Variants in ASIC2 observed in about 807,000 individuals in gnomAD.
ASIC2 encodes acid sensing ion channel subunit 2.
A neutral mutation model predicts 57.3 loss-of-function variants in ASIC2; 25 were observed. That is an observed-to-expected ratio of 0.44 (90% CI 0.32 to 0.61). ASIC2 has a LOEUF of 0.61. Ranked by LOEUF, ASIC2 falls within the 20% of genes least tolerant of loss-of-function variation. The pLI, the probability that ASIC2 is intolerant of heterozygous loss-of-function variation, is 0.06. For missense variants in ASIC2, 641 were observed against 738.1 expected (o/e 0.87, Z 1.52); for synonymous variants, 319 against 307.5 (o/e 1.04, Z -0.39).
At chr17:33,340,441 T>C (rs2142236196) in intron 1 of ASIC2, among the ~76,000 whole-genome samples, 1 of 152,318 alleles carries the variant, frequency 6.6e-6, no homozygotes. Context: ...CTCTCTTTTT[T>C]TTCTAGCAAC....
intron 2 of ASIC2, among the ~76,000 whole-genome samples, chr17:33,110,644 T>A (rs957915858): frequency 2.0e-4 from 30 of 151,658 alleles, no homozygotes; most frequent in Admixed American, 1.5e-3. Context: ...GAGAGAGGGG[T>A]GGTGGGAGAG....
chr17:33,893,637 A>G (rs559325598), intron 1 of ASIC2, among the ~76,000 whole-genome samples: 7 of 152,274 alleles, frequency 4.6e-5, no homozygotes, highest in African/African-American at 1.7e-4. Flanking sequence ...CTGGGTATTC[A>G]CTATCCCAGG....
At chr17:33,808,533 T>C (rs1912330592) in intron 1 of ASIC2, among the ~76,000 whole-genome samples, 1 of 152,208 alleles carries the variant, frequency 6.6e-6, no homozygotes, top group Non-Finnish European at 1.5e-5. Flanking sequence ...CCAGATAGAC[T>C]TTAGAGTCAG....
At position 33,013,553 on chromosome 17, in the gene ASIC2, C is replaced by T; in HGVS notation, c.*412G>A. 5.0e-6 allele frequency: 1 copy of T among 200,958 alleles called. No individual in the cohort carries two copies. Among genetic ancestry groups the T allele is most frequent in the Non-Finnish European group, 1.0e-5 (1 of 96,398 alleles). The allele number at this position is 200,958 out of a possible 1,614,324, so 12.4% of individuals were successfully genotyped here. On this transcript the variant is annotated 3_prime_UTR_variant, in exon 10 of 10. Transcript: ENST00000225823. ...TGTGCAGTTCTGATTCCAGGGTGGCCTCATGGTGACTTTGGACCTGGAATC... is the reference window on the plus strand; with the variant it reads ...TGTGCAGTTCTGATTCCAGGGTGGCTTCATGGTGACTTTGGACCTGGAATC...
At chr17:33,722,788 A>G (rs538243376) in intron 1 of ASIC2, among the ~76,000 whole-genome samples, 4 of 152,292 alleles carry the variant, frequency 2.6e-5, no homozygotes, top group East Asian at 1.9e-4. Flanking sequence ...GGCAACAAAA[A>G]AAAGATATCC....
chr17:33,255,838 T>A (rs147361231), intron 1 of ASIC2, among the ~76,000 whole-genome samples: 1 of 152,228 alleles, frequency 6.6e-6, no homozygotes, highest in Non-Finnish European at 1.5e-5. Flanking sequence ...GAGTAACTTA[T>A]TAACTCTTTT....
At chr17:34,052,538 C>T (rs1908607622) in intron 1 of ASIC2, among the ~76,000 whole-genome samples, 1 of 152,140 alleles carries the variant, frequency 6.6e-6, no homozygotes, top group Non-Finnish European at 1.5e-5. Flanking sequence ...ACCATCCTTC[C>T]ACCCTCTTTC....
At chr17:33,672,438 A>AG (rs1670386173) in intron 1 of ASIC2, among the ~76,000 whole-genome samples, 5 of 152,084 alleles carry the variant, frequency 3.3e-5, no homozygotes, top group Admixed American at 1.3e-4. Flanking sequence ...AAAAAAAAAA[A>AG]AAGTCTTCAC....
intron 1 of ASIC2, among the ~76,000 whole-genome samples, chr17:33,553,176 A>G (rs1279830772): frequency 1.3e-5 from 2 of 152,194 alleles, no homozygotes; most frequent in African/African-American, 4.8e-5. Flanking sequence ...GGCACTGCAT[A>G]TAATCTGAAG....
Position 33,292,219 on chromosome 17 carries a change from C to T in ASIC2, c.-104G>A, listed in dbSNP as rs987506818. The T allele has an allele frequency of 1.4e-5, 14 of 1,001,126 alleles. No individual in the cohort carries two copies. The African/African-American group carries it at 2.1e-4, about 15-fold the overall frequency. 62.0% of individuals were successfully genotyped at this position (1,001,126 alleles called of 1,614,324 possible). ...AAGCAGCAGCAGCGGCAGCCGCGCG[C>T]AGCCCGCGCCAGGGAAGCGTGCGCC... is the stretch of plus-strand genomic sequence containing the variant. On this transcript the variant is annotated 5_prime_UTR_variant, in exon 1 of 10. Transcript: ENST00000225823.
intron 1 of ASIC2, among the ~76,000 whole-genome samples, chr17:33,799,382 CTTTCTTT>C (rs1567718857): frequency 2.2e-4 from 5 of 22,786 alleles, no homozygotes; most frequent in African/African-American, 7.8e-4. Flanking sequence ...TTCTTCCTTT[CTTTCTTT>C]CTTTCTTTCT....
intron 1 of ASIC2, among the ~76,000 whole-genome samples, chr17:33,919,182 TA>T (rs1915654732): frequency 6.6e-6 from 1 of 152,024 alleles, no homozygotes; most frequent in Admixed American, 6.6e-5. Flanking sequence ...CTTCCAGGGT[TA>T]CAAACAAGGT....
chr17:33,897,676 A>G (rs913679956), intron 1 of ASIC2, among the ~76,000 whole-genome samples: 2 of 152,220 alleles, frequency 1.3e-5, no homozygotes, highest in African/African-American at 4.8e-5. Context: ...AAGGCTACAT[A>G]CTATTCCCAA....
intron 1 of ASIC2, among the ~76,000 whole-genome samples, chr17:33,206,208 G>C (rs1214382552): frequency 6.6e-6 from 1 of 152,136 alleles, no homozygotes. Flanking sequence ...ATGCTTGCTT[G>C]GTATCATATT....
At chr17:33,615,799 AT>A (rs1464164632) in intron 1 of ASIC2, among the ~76,000 whole-genome samples, 6 of 152,210 alleles carry the variant, frequency 3.9e-5, no homozygotes, top group Non-Finnish European at 8.8e-5. Context: ...ATCCTGGTAC[AT>A]TAATAACTCT....
intron 1 of ASIC2, among the ~76,000 whole-genome samples, chr17:33,555,692 T>C (rs535828323): frequency 3.3e-5 from 5 of 152,016 alleles, no homozygotes; most frequent in Non-Finnish European, 5.9e-5. Flanking sequence ...GGAGTAGAAA[T>C]TGGACCTCAG....
intron 1 of ASIC2, among the ~76,000 whole-genome samples, chr17:33,676,153 G>A (rs1907810551): frequency 6.6e-6 from 1 of 152,152 alleles, no homozygotes; most frequent in Admixed American, 6.5e-5. Context: ...AAATTTAATT[G>A]ATGATTGCTG....
chr17:34,079,953 A>AC lies in ASIC2; in HGVS notation c.555+76024_555+76025insG, dbSNP rs544320617. 9.9e-4 allele frequency among the ~76,000 whole-genome samples: 148 copies of AC among 149,778 alleles called. 1 individual carries two copies. Among genetic ancestry groups the AC allele is most frequent in the African/African-American group, 3.5e-3 (140 of 40,466 alleles). On this transcript the variant is annotated intron_variant, in intron 1 of 9. Transcript: ENST00000359872. ...TCCACTTTACCGGAATTTCTATGGA[A>AC]ATCTCCAACTTCTTGCATGTAGGGT...
chr17:33,712,336 A>C (rs12943430), intron 1 of ASIC2, among the ~76,000 whole-genome samples: 15,232 of 152,234 alleles, frequency 0.1, 832 homozygotes, highest in South Asian at 0.14. Context: ...ACTGAGCCAC[A>C]AGAGGGCTCC....
Sources: gnomAD v4.1 joint callset for allele counts (sites outside exome capture counted in the v4.1 genomes callset) on GRCh38, gnomAD v4.1.1 for gene constraint, MANE v1.5 for transcripts, NCBI Gene and HGNC (gene_info 2026-07-23, HGNC 2026-07-21) for gene names.